Variants in BORCS5 observed in about 807,000 individuals in gnomAD.
BORCS5 encodes BLOC-1 related complex subunit 5.
In BORCS5, 17 loss-of-function variants were observed where a neutral mutation model predicts 22.1. That is an observed-to-expected ratio of 0.77 (90% CI 0.53 to 1.15). The LOEUF is 1.15. Among genes scored for constraint, BORCS5 ranks in the 50% most tolerant of loss-of-function variants. The pLI is 0.00. For missense variants in BORCS5, 247 were observed against 253.2 expected (o/e 0.98, Z 0.17); for synonymous variants, 117 against 99.8 (o/e 1.17, Z -1.03).
rs1943231640 is a variant in BORCS5 at position 12,468,097 on chromosome 12, C to T, written c.*2321C>T. On this transcript the variant is annotated 3_prime_UTR_variant, in exon 4 of 4. Transcript: ENST00000314565. Reference sequence around the variant, plus strand: ...TGCAGGTCTCAGTCGTACTTGCTCTCCCTCACCATCCTTTCCAACCGCCTG... The same window carrying T: ...TGCAGGTCTCAGTCGTACTTGCTCTTCCTCACCATCCTTTCCAACCGCCTG... 1 of 152,268 alleles carries T rather than the reference C, an allele frequency of 6.6e-6. No homozygotes were observed. The highest frequency in any genetic ancestry group is 1.5e-5 in the Non-Finnish European group (1 of 68,080). The allele number at this position is 152,268 out of a possible 1,614,324, so 9.4% of individuals were successfully genotyped here.
intron 2 of BORCS5, among the ~76,000 whole-genome samples, chr12:12,425,335 T>A (rs1445266201): frequency 6.6e-6 from 1 of 152,216 alleles, no homozygotes; most frequent in African/African-American, 2.4e-5. Context: ...AGTGCAATTA[T>A]TTAGTTGGGA....
chr12:12,389,193 A>G (rs569610022), intron 2 of BORCS5, among the ~76,000 whole-genome samples: 19 of 135,130 alleles, frequency 1.4e-4, no homozygotes, highest in South Asian at 4.6e-4. Flanking sequence ...GCTGGAGGGC[A>G]ATGGTGCGAT....
chr12:12,454,150 A>G (rs1378548170), intron 3 of BORCS5, among the ~76,000 whole-genome samples: 2 of 152,336 alleles, frequency 1.3e-5, no homozygotes, highest in African/African-American at 4.8e-5. Context: ...ACATTTGTGT[A>G]CAAGGTTTTG....
rs186572340 is a variant in BORCS5, at chr12:12,374,113, G to A, written c.202+12764G>A. On this transcript the variant is annotated intron_variant, in intron 2 of 3. Transcript: ENST00000314565. ...CGCCATTCTCCTGCCTTAGCCTCCC[G>A]AGTAGCTGGGACTACAGGTGCCCGC... Among the ~76,000 whole-genome samples, 1,060 of 147,002 alleles carry A rather than the reference G, an allele frequency of 7.2e-3. 12 individuals carry two copies. Among genetic ancestry groups the A allele is most frequent in the Middle Eastern group, 0.029 (8 of 278 alleles).
At chr12:12,373,924 C>G (rs1213992414) in intron 2 of BORCS5, among the ~76,000 whole-genome samples, 2 of 149,422 alleles carry the variant, frequency 1.3e-5, no homozygotes, top group Non-Finnish European at 2.9e-5. Flanking sequence ...TTCAGCTGAG[C>G]TTTGAGGGAT....
chr12:12,379,049 C>T (rs1173556719), intron 2 of BORCS5, among the ~76,000 whole-genome samples: 2 of 151,320 alleles, frequency 1.3e-5, no homozygotes, highest in Non-Finnish European at 3.0e-5. Flanking sequence ...AGCCATTGCA[C>T]CCATCTGGAA....
intron 2 of BORCS5, among the ~76,000 whole-genome samples, chr12:12,392,545 A>G (rs1941222302): frequency 6.6e-6 from 1 of 152,130 alleles, no homozygotes; most frequent in Non-Finnish European, 1.5e-5. Context: ...CTGCTCAGCC[A>G]CTTCTTAGCT....
In BORCS5 at chr12:12,430,151, AT is replaced by A. The variant is rs71061068; in HGVS notation, c.203-5460del. 2.1e-3 allele frequency among the ~76,000 whole-genome samples: 227 copies of A among 107,718 alleles called. 3 individuals carry two copies. Among genetic ancestry groups the A allele is most frequent in the Middle Eastern group, 5.7e-3 (1 of 176 alleles). 70.7% of individuals were successfully genotyped at this position (107,718 alleles called of 152,430 possible). A position where few individuals can be genotyped will look rare whatever the true frequency, so the allele number is the denominator to read the frequency against. ...TACCACTTTAATCACCTTAGAGAAA[AT>A]TTTTTTTTTTTTTTTTGAGACAGAG... On this transcript the variant is annotated intron_variant, in intron 2 of 3. Coordinates refer to ENST00000314565, the MANE Select transcript of BORCS5 (RefSeq NM_058169.6).
At chr12:12,375,718 A>G (rs1021998543) in intron 2 of BORCS5, among the ~76,000 whole-genome samples, 7 of 152,376 alleles carry the variant, frequency 4.6e-5, no homozygotes, top group Admixed American at 2.6e-4. Context: ...ATGCAAAGTG[A>G]CATTTTAAAG....
intron 3 of BORCS5, among the ~76,000 whole-genome samples, chr12:12,442,925 A>G (rs2136135020): frequency 6.6e-6 from 1 of 152,282 alleles, no homozygotes; most frequent in East Asian, 1.9e-4. Flanking sequence ...AGCTGGAGTC[A>G]TTTTCCAAGT....
intron 3 of BORCS5, among the ~76,000 whole-genome samples, chr12:12,454,719 C>T (rs192236469): frequency 4.8e-4 from 73 of 152,320 alleles, no homozygotes; most frequent in African/African-American, 1.7e-3. Context: ...TCCAAGCATA[C>T]TTTGCCATTC....
intron 2 of BORCS5, among the ~76,000 whole-genome samples, chr12:12,409,948 T>A (rs999580717): frequency 1.3e-5 from 2 of 152,234 alleles, no homozygotes; most frequent in African/African-American, 4.8e-5. Flanking sequence ...GGTATCTCAT[T>A]GTGGTTTTGA....
chr12:12,425,884 T>G (rs73285582), intron 2 of BORCS5, among the ~76,000 whole-genome samples: 2,589 of 152,324 alleles, frequency 0.017, 79 homozygotes, highest in African/African-American at 0.059. Flanking sequence ...GAAAGCCTGC[T>G]TAATTGACTA....
intron 3 of BORCS5, among the ~76,000 whole-genome samples, chr12:12,438,000 A>T (rs1592127857): frequency 6.6e-6 from 1 of 152,132 alleles, no homozygotes; most frequent in Non-Finnish European, 1.5e-5. Context: ...AAGCACTGGG[A>T]TTACAGGTGT....
chr12:12,405,110 A>T (rs1195122137), intron 2 of BORCS5, among the ~76,000 whole-genome samples: 1 of 152,216 alleles, frequency 6.6e-6, no homozygotes, highest in African/African-American at 2.4e-5. Flanking sequence ...AATACAGAAG[A>T]AGGGTTCTAT....
chr12:12,452,390 C>A, intron 3 of BORCS5: 1 of 591,628 alleles, frequency 1.7e-6, no homozygotes. Flanking sequence ...ATTTTCAAAA[C>A]ATTTGTCTAA....
At position 12,443,207 on chromosome 12, in the gene BORCS5, T is replaced by G. The variant is rs1592131955; in HGVS notation, c.360+7422T>G. ...TAAATATATTTTGGCTTCAGTTGCTTCTTTCTTGACCTGAAATTATAAAAT... is the reference window on the plus strand; with the variant it reads ...TAAATATATTTTGGCTTCAGTTGCTGCTTTCTTGACCTGAAATTATAAAAT... On this transcript the variant is annotated intron_variant, in intron 3 of 3. Coordinates refer to ENST00000314565, the MANE Select transcript of BORCS5 (RefSeq NM_058169.6). Among the ~76,000 whole-genome samples, 4 of 152,250 alleles carry G rather than the reference T, an allele frequency of 2.6e-5. No homozygotes were observed. The South Asian group carries it at 8.3e-4, about 31-fold the overall frequency.
At chr12:12,434,480 G>A (rs562503135) in intron 2 of BORCS5, among the ~76,000 whole-genome samples, 1 of 152,080 alleles carries the variant, frequency 6.6e-6, no homozygotes, top group East Asian at 1.9e-4. Context: ...ATAATACTTA[G>A]ACATTATTTG....
intron 2 of BORCS5, among the ~76,000 whole-genome samples, chr12:12,398,795 T>C (rs539169554): frequency 6.6e-6 from 1 of 152,330 alleles, no homozygotes; most frequent in African/African-American, 2.4e-5. Flanking sequence ...GCCCAATCGA[T>C]AGCTGATTTT....
Sources: gnomAD v4.1 joint callset for allele counts (sites outside exome capture counted in the v4.1 genomes callset) on GRCh38, gnomAD v4.1.1 for gene constraint, MANE v1.5 for transcripts, NCBI Gene and HGNC (gene_info 2026-07-23, HGNC 2026-07-21) for gene names.